The following G3BP2 variants were observed in gnomAD, a reference collection of about 807,000 sequenced individuals.
The protein encoded by G3BP2 is G3BP stress granule assembly factor 2, also known as ras GTPase-activating protein-binding protein 2.
A neutral mutation model predicts 56.7 loss-of-function variants in G3BP2; 11 were observed. The observed-to-expected ratio is 0.19, with a 90% CI of 0.12 to 0.32. The LOEUF is 0.32. Ranked by LOEUF, G3BP2 falls within the 10% of genes least tolerant of loss-of-function variation. The probability of loss-of-function intolerance (pLI) is 1.00; values close to 1 mark genes in which losing one functional copy is unlikely to be tolerated. For missense variants in G3BP2, 340 were observed against 610.9 expected, an observed-to-expected ratio of 0.56 and a Z score of 4.67; for synonymous variants, 165 against 191.6, an observed-to-expected ratio of 0.86 and a Z score of 1.15.
At chr4:75,674,694 A>G (rs895071829), upstream of G3BP2, among the ~76,000 whole-genome samples, 1 of 45,650 alleles carries the variant, frequency 2.2e-5, no homozygotes, top group African/African-American at 7.4e-5. Context: ...ATATGTATGT[A>G]CATATATATA....
upstream of G3BP2, among the ~76,000 whole-genome samples, chr4:75,676,507 TA>T (rs1266948992): frequency 2.6e-5 from 4 of 152,262 alleles, no homozygotes; most frequent in South Asian, 8.3e-4. Context: ...CACGCCCATC[TA>T]ATTTTTCTAT....
intron 3 of G3BP2, among the ~76,000 whole-genome samples, chr4:75,699,561 T>C (rs1478792187): frequency 3.3e-5 from 5 of 152,366 alleles, no homozygotes; most frequent in Admixed American, 1.3e-4. Flanking sequence ...TAAACTGTAC[T>C]GCCTAGCCAG....
chr4:75,723,790 C>CTTT (rs1720279690), intron 1 of G3BP2, among the ~76,000 whole-genome samples: 1 of 151,916 alleles, frequency 6.6e-6, no homozygotes, highest in Non-Finnish European at 1.5e-5. Context: ...TAGACCTGTG[C>CTTT]TTTTTAGCCT....
intron 3 of G3BP2, among the ~76,000 whole-genome samples, chr4:75,680,275 G>A (rs184100834): frequency 5.9e-5 from 9 of 152,130 alleles, no homozygotes; most frequent in African/African-American, 2.2e-4. Flanking sequence ...TCCTTCTGAG[G>A]GGGGATAGGA....
intron 1 of G3BP2, among the ~76,000 whole-genome samples, chr4:75,670,655 C>A (rs1733412541): frequency 6.6e-6 from 1 of 152,136 alleles, no homozygotes; most frequent in South Asian, 2.1e-4. Flanking sequence ...TAACAAGTAA[C>A]CTACTATTTT....
intron 3 of G3BP2, among the ~76,000 whole-genome samples, chr4:75,693,516 C>T (rs372848968): frequency 5.3e-5 from 8 of 151,406 alleles, no homozygotes; most frequent in Admixed American, 2.6e-4. Context: ...GTCTGCCAGG[C>T]GCGGTAGCTC....
intron 3 of G3BP2, among the ~76,000 whole-genome samples, chr4:75,714,538 G>A (rs144574613): frequency 0.027 from 4,117 of 152,268 alleles, 70 homozygotes; most frequent in Middle Eastern, 0.041. Context: ...AGAGGCAGGA[G>A]AATCACTTGA....
rs75104598 is a variant in G3BP2 at position 75,656,881 on chromosome 4, C to A, written c.442+43G>T. The A allele has an allele frequency of 3.1e-3, 2,713 of 887,634 alleles. 41 individuals are homozygous for A. The African/African-American group carries it at 0.041, about 13-fold the overall frequency. 55.0% of individuals were successfully genotyped at this position (887,634 alleles called of 1,614,324 possible). ...TATAGAAATTAGTCCATAAAGAGTA[C>A]CAACAGAACCCTTCTATCTTCATAT... On this transcript the variant is annotated intron_variant, in intron 5 of 11. Coordinates refer to ENST00000359707, the MANE Select transcript of G3BP2 (RefSeq NM_203505.3).
intron 3 of G3BP2, among the ~76,000 whole-genome samples, chr4:75,695,499 G>C (rs1053924987): frequency 2.0e-5 from 3 of 152,130 alleles, no homozygotes; most frequent in Non-Finnish European, 4.4e-5. Flanking sequence ...GTGGGTATGG[G>C]ACTTAGGAAA....
Position 75,645,306 on chromosome 4 carries a change from G to T in G3BP2, c.*124C>A. On this transcript the variant is annotated 3_prime_UTR_variant, in exon 12 of 12. Coordinates refer to ENST00000359707, the MANE Select transcript of G3BP2 (RefSeq NM_203505.3). ...CTCAATTTAACTGATAACCAAAGAT[G>T]CTTTTCACATCAAAGAAATGATCAA... 2 of 811,872 alleles carry T rather than the reference G, an allele frequency of 2.5e-6. No individual in the cohort carries two copies. The highest frequency in any genetic ancestry group is 3.8e-6 in the Non-Finnish European group (2 of 519,774). 50.3% of individuals were successfully genotyped at this position (811,872 alleles called of 1,614,324 possible).
chr4:75,646,135 T>C (rs1731194626), intron 11 of G3BP2, among the ~76,000 whole-genome samples: 1 of 152,202 alleles, frequency 6.6e-6, no homozygotes, highest in East Asian at 1.9e-4. Flanking sequence ...AATCTTGCAA[T>C]CTTTCCCACC....
rs1390014983 is a variant in G3BP2 at position 75,673,162 on chromosome 4, C to CT, written c.-25+45dup. The CT allele has an allele frequency of 3.4e-6, 4 of 1,163,314 alleles. No homozygotes were observed. In the African/African-American group the frequency reaches 6.4e-5, roughly 19 times the overall value. The allele number at this position is 1,163,314 out of a possible 1,614,324, so 72.1% of individuals were successfully genotyped here. On this transcript the variant is annotated intron_variant, in intron 1 of 11. Transcript: ENST00000359707. The stretch of plus-strand genomic sequence containing the variant: ...GCCGCGGAGCGCGAATGGAATGTCC[C>CT]TTTCCGACCACCACACCGACCTCCC...
At chr4:75,685,959 G>A (rs528424381) in intron 3 of G3BP2, among the ~76,000 whole-genome samples, 1 of 152,274 alleles carries the variant, frequency 6.6e-6, no homozygotes, top group East Asian at 1.9e-4. Flanking sequence ...AGGAGAGAAG[G>A]AAGAAAGGAA....
intron 1 of G3BP2, among the ~76,000 whole-genome samples, chr4:75,662,695 GGTAAAGGGAA>G (rs2149003979): frequency 6.6e-6 from 1 of 152,092 alleles, no homozygotes; most frequent in African/African-American, 2.4e-5. Context: ...CCTACCCTTC[GGTAAAGGGAA>G]ATAGCATCTT....
intron 11 of G3BP2, among the ~76,000 whole-genome samples, chr4:75,645,949 T>C (rs910369433): frequency 6.6e-6 from 1 of 152,136 alleles, no homozygotes; most frequent in African/African-American, 2.4e-5. Context: ...TAGCTGGGAT[T>C]ATAGGTGTCT....
chr4:75,645,190 T>C lies in G3BP2; in HGVS notation c.*240A>G, dbSNP rs1222969699. ...TCACTTTGTCGTAGATAGTTTAAGA[T>C]ATGGTCATTTCTCAGTCCTTAATTC... On this transcript the variant is annotated 3_prime_UTR_variant, in exon 12 of 12. Transcript: ENST00000359707. The C allele has an allele frequency of 1.8e-6, 1 of 543,332 alleles. No homozygotes were observed. Among genetic ancestry groups the C allele is most frequent in the African/African-American group, 1.9e-5 (1 of 52,264 alleles). The allele number at this position is 543,332 out of a possible 1,614,324, so 33.7% of individuals were successfully genotyped here. A position where few individuals can be genotyped will look rare whatever the true frequency, so the allele number is the denominator to read the frequency against.
At chr4:75,682,982 C>CA (rs36085589) in intron 3 of G3BP2, among the ~76,000 whole-genome samples, 23,354 of 125,910 alleles carry the variant, frequency 0.19, 1,977 homozygotes, top group South Asian at 0.37. Flanking sequence ...GACTCCGTCT[C>CA]AAAAAAAAAA....
At chr4:75,677,220 C>T (rs1733906970), upstream of G3BP2, among the ~76,000 whole-genome samples, 1 of 152,140 alleles carries the variant, frequency 6.6e-6, no homozygotes, top group Admixed American at 6.5e-5. Flanking sequence ...TTACTGAATA[C>T]TAAAAGATCA....
At chr4:75,692,605 C>A (rs969657988) in intron 3 of G3BP2, among the ~76,000 whole-genome samples, 1 of 152,014 alleles carries the variant, frequency 6.6e-6, no homozygotes, top group Non-Finnish European at 1.5e-5. Flanking sequence ...CCACTGCACC[C>A]GGCGTCAGTT....
Sources: gnomAD v4.1 joint callset for allele counts (sites outside exome capture counted in the v4.1 genomes callset) on GRCh38, gnomAD v4.1.1 for gene constraint, MANE v1.5 for transcripts, NCBI Gene and HGNC (gene_info 2026-07-23, HGNC 2026-07-21) for gene names.